Variants in MAD1L1 observed in about 807,000 individuals in gnomAD.
MAD1L1 encodes the protein mitotic arrest deficient 1 like 1, also known as mitotic spindle assembly checkpoint protein MAD1.
Under a neutral mutation model 96.9 loss-of-function variants are expected in MAD1L1, and 95 were observed. The ratio of observed to expected loss-of-function variants is 0.98; its 90% CI spans 0.83 to 1.16. The LOEUF (loss-of-function observed/expected upper bound fraction) is 1.16, where lower values mean the gene tolerates loss of function less well. Ranked by LOEUF, MAD1L1 falls within the 50% of genes most tolerant of loss-of-function variation. The pLI is 0.00. For synonymous variants in MAD1L1, 473 were observed against 396.6 expected (o/e 1.19, Z -2.29); for missense variants, 1,007 against 954.4 (o/e 1.06, Z -0.73).
At chr7:2,156,803 A>G (rs1353381914) in intron 10 of MAD1L1, among the ~76,000 whole-genome samples, 1 of 150,290 alleles carries the variant, frequency 6.7e-6, no homozygotes, top group Non-Finnish European at 1.5e-5. Context: ...CCTGCGCAAC[A>G]AGAGCAAGAC....
At chr7:1,840,864 C>G (rs1161215536) in intron 18 of MAD1L1, among the ~76,000 whole-genome samples, 3 of 152,260 alleles carry the variant, frequency 2.0e-5, no homozygotes, top group Non-Finnish European at 4.4e-5. Context: ...ACTGCACACT[C>G]CCTGCATGCC....
intron 16 of MAD1L1, among the ~76,000 whole-genome samples, chr7:1,943,543 G>C (rs1779095987): frequency 6.6e-6 from 1 of 152,230 alleles, no homozygotes; most frequent in Non-Finnish European, 1.5e-5. Flanking sequence ...CCGGCATCCA[G>C]AGACAGAAAG....
rs542231966 is a variant in MAD1L1 at position 2,164,317 on chromosome 7, G to A, written c.987-15079C>T. ...AACAGCCTGGCACAGCAGAAAGCCC[G>A]CACTCTGGAGGCAGCCAGGTGAAGG... On this transcript the variant is annotated intron_variant, in intron 10 of 18. Transcript: ENST00000265854. 1.9e-4 allele frequency among the ~76,000 whole-genome samples: 29 copies of A among 152,244 alleles called. No individual in the cohort carries two copies. In the South Asian group the frequency reaches 3.1e-3, roughly 16 times the overall value.
rs774754137 is a variant in MAD1L1, at chr7:1,995,242, G to A, written c.1416+6823C>T. Reference sequence around the variant, plus strand: ...GGGGGCACCTCGGGGCACGCACTGAGGATGAGGCTGGACGCAGGGAAACCT... The same window carrying A: ...GGGGGCACCTCGGGGCACGCACTGAAGATGAGGCTGGACGCAGGGAAACCT... On this transcript the variant is annotated intron_variant, in intron 14 of 18. Coordinates refer to ENST00000265854, the MANE Select transcript of MAD1L1 (RefSeq NM_001013836.2). Among the ~76,000 whole-genome samples the A allele has an allele frequency of 3.4e-4, 52 of 152,254 alleles. 1 individual carries two copies. The highest frequency in any genetic ancestry group is 4.3e-4 in the Non-Finnish European group (29 of 68,032).
intron 12 of MAD1L1, among the ~76,000 whole-genome samples, chr7:2,054,492 G>C (rs1784309884): frequency 6.6e-6 from 1 of 152,168 alleles, no homozygotes; most frequent in Admixed American, 6.5e-5. Flanking sequence ...CGGAGGGAGA[G>C]TGCAGCAGTG....
chr7:1,970,614 G>C (rs941329846), intron 15 of MAD1L1, among the ~76,000 whole-genome samples: 2 of 152,148 alleles, frequency 1.3e-5, no homozygotes, highest in Admixed American at 1.3e-4. Context: ...GATAAAAGGC[G>C]TGAGCCACCA....
intron 16 of MAD1L1, among the ~76,000 whole-genome samples, chr7:1,955,817 C>T (rs959922461): frequency 6.6e-6 from 1 of 152,166 alleles, no homozygotes; most frequent in Non-Finnish European, 1.5e-5. Context: ...TTGCAGCCCA[C>T]AATGCACTGC....
At chr7:1,819,515 C>T (rs928891141) in intron 18 of MAD1L1, among the ~76,000 whole-genome samples, 14 of 152,172 alleles carry the variant, frequency 9.2e-5, no homozygotes, top group Admixed American at 5.9e-4. Flanking sequence ...CCTGGAGGGC[C>T]GGGGACCTCT....
At chr7:1,939,045 G>GGC (rs1491346675) in intron 16 of MAD1L1, among the ~76,000 whole-genome samples, 2 of 62,826 alleles carry the variant, frequency 3.2e-5, no homozygotes, top group Non-Finnish European at 2.8e-5. Context: ...TGGGGCCAGA[G>GGC]GCACACACAC....
intron 13 of MAD1L1, among the ~76,000 whole-genome samples, chr7:2,011,211 G>A (rs1782286233): frequency 6.6e-6 from 1 of 152,056 alleles, no homozygotes. Context: ...GCATGTGCAG[G>A]GTCTCCAGAG....
At position 2,101,925 on chromosome 7, in the gene MAD1L1, A is replaced by G. The variant is rs73038452; in HGVS notation, c.1074-32587T>C. ...AGGAGGAGTGCAGTCCAGTGCACAC[A>G]GGGGGCTCTGCAGCTGGGAAGACCC... On this transcript the variant is annotated intron_variant, in intron 11 of 18. Coordinates refer to ENST00000265854, the MANE Select transcript of MAD1L1 (RefSeq NM_001013836.2). Among the ~76,000 whole-genome samples, 1,227 of 152,272 alleles carry G rather than the reference A, an allele frequency of 8.1e-3. 15 individuals carry two copies. The highest frequency in any genetic ancestry group is 0.031 in the South Asian group (151 of 4,822).
At chr7:2,039,624 G>A (rs185586881) in intron 12 of MAD1L1, among the ~76,000 whole-genome samples, 1 of 152,148 alleles carries the variant, frequency 6.6e-6, no homozygotes, top group Non-Finnish European at 1.5e-5. Context: ...ATCTTTCCAC[G>A]GGCTTAACTG....
rs934005440 is a variant in MAD1L1 at position 2,232,909 on chromosome 7, A to T, written c.-227T>A. On this transcript the variant is annotated 5_prime_UTR_variant, in exon 1 of 19. Transcript: ENST00000265854. ...CAGCCAGCTTGCCGCCGCCGCTCGG[A>T]TCTCCCTCCGCTCCGCCGGCGCCCA... 6.6e-6 allele frequency: 1 copy of T among 152,074 alleles called. No homozygotes were observed. Among genetic ancestry groups the T allele is most frequent in the Non-Finnish European group, 1.5e-5 (1 of 68,034 alleles). The allele number at this position is 152,074 out of a possible 1,614,324, so 9.4% of individuals were successfully genotyped here. A position where few individuals can be genotyped will look rare whatever the true frequency, so the allele number is the denominator to read the frequency against.
chr7:2,197,255 C>G (rs1426113342), intron 10 of MAD1L1, among the ~76,000 whole-genome samples: 1 of 152,210 alleles, frequency 6.6e-6, no homozygotes, highest in Non-Finnish European at 1.5e-5. Context: ...GCCAGCCTCT[C>G]AAGTGTCATC....
intron 18 of MAD1L1, among the ~76,000 whole-genome samples, chr7:1,877,947 A>G (rs1303383548): frequency 6.6e-6 from 1 of 152,216 alleles, no homozygotes; most frequent in Non-Finnish European, 1.5e-5. Flanking sequence ...ACTTAGAGTG[A>G]TGACGAAAAA....
At chr7:2,096,926 G>A (rs1158969180) in intron 11 of MAD1L1, among the ~76,000 whole-genome samples, 1 of 152,154 alleles carries the variant, frequency 6.6e-6, no homozygotes, top group African/African-American at 2.4e-5. Context: ...GTACCTCCAG[G>A]CTGCCACCCA....
intron 18 of MAD1L1, among the ~76,000 whole-genome samples, chr7:1,819,374 T>TG (rs1274522879): frequency 6.6e-6 from 1 of 152,046 alleles, no homozygotes; most frequent in Non-Finnish European, 1.5e-5. Context: ...GCGGGCGCCC[T>TG]GGGGGAGACT....
Position 1,965,080 on chromosome 7 carries a change from C to T in MAD1L1, c.1506-7361G>A, listed in dbSNP as rs138608179. On this transcript the variant is annotated intron_variant, in intron 15 of 18. Coordinates refer to ENST00000265854, the MANE Select transcript of MAD1L1 (RefSeq NM_001013836.2). ...CCCCTTCATCAAATGGCTAGCTCCACGTTTCCAGCCCTGATCATGGTGTCT... is the reference window on the plus strand; with the variant it reads ...CCCCTTCATCAAATGGCTAGCTCCATGTTTCCAGCCCTGATCATGGTGTCT... 6.2e-4 allele frequency among the ~76,000 whole-genome samples: 95 copies of T among 152,352 alleles called. 1 individual carries two copies. Among genetic ancestry groups the T allele is most frequent in the African/African-American group, 2.2e-3 (91 of 41,572 alleles).
intron 16 of MAD1L1, among the ~76,000 whole-genome samples, chr7:1,948,483 G>A (rs1167585152): frequency 6.6e-6 from 1 of 152,220 alleles, no homozygotes; most frequent in Non-Finnish European, 1.5e-5. Context: ...CCGGGACACT[G>A]GCACCCAGGA....
Sources: allele counts gnomAD v4.1 joint callset (sites outside exome capture counted in the v4.1 genomes callset), GRCh38; gene constraint gnomAD v4.1.1; transcripts MANE v1.5; gene names NCBI Gene and HGNC (gene_info 2026-07-23, HGNC 2026-07-21).